The following PTER variants were observed in gnomAD, a reference collection of about 807,000 sequenced individuals.
The protein encoded by PTER is N-acetyltaurine hydrolase.
A neutral mutation model predicts 29.6 loss-of-function variants in PTER; 38 were observed. That is an observed-to-expected ratio of 1.28 (90% CI 0.99 to 1.68). The LOEUF (loss-of-function observed/expected upper bound fraction) is 1.68, where lower values mean the gene tolerates loss of function less well. Ranked by LOEUF, PTER falls within the 40% of genes most tolerant of loss-of-function variation. The pLI, the probability that PTER is intolerant of heterozygous loss-of-function variation, is 0.00. For synonymous variants in PTER, 172 were observed against 154.5 expected (o/e 1.11, Z -0.84); for missense variants, 482 against 427.8 (o/e 1.13, Z -1.12).
At chr10:16,481,164 T>TA (rs1039894608) in intron 1 of PTER, among the ~76,000 whole-genome samples, 9 of 152,368 alleles carry the variant, frequency 5.9e-5, no homozygotes, top group South Asian at 4.1e-4. Flanking sequence ...CATGTGTTTG[T>TA]AGCTCTGGCT....
intron 1 of PTER, among the ~76,000 whole-genome samples, chr10:16,441,679 A>T (rs1460822428): frequency 4.6e-5 from 7 of 152,220 alleles, no homozygotes; most frequent in Non-Finnish European, 8.8e-5. Flanking sequence ...CTTGGACGTG[A>T]CTGGCCCAAG....
rs181399869 is a variant in PTER at position 16,493,072 on chromosome 10, G to A, written c.698+6455G>A. ...CATGTCTAATTACCATATACCAGAC[G>A]TTGGGCTGTAGCCTGAAGAACAACC... On this transcript the variant is annotated intron_variant, in intron 3 of 4. Transcript: ENST00000535784. Among the ~76,000 whole-genome samples the A allele has an allele frequency of 2.8e-3, 427 of 152,240 alleles. 2 individuals are homozygous for A. The highest frequency in any genetic ancestry group is 9.6e-3 in the African/African-American group (398 of 41,534).
At chr10:16,453,094 G>A (rs895087723) in intron 1 of PTER, among the ~76,000 whole-genome samples, 3 of 151,914 alleles carry the variant, frequency 2.0e-5, no homozygotes, top group Non-Finnish European at 2.9e-5. Context: ...GTCTCAATAT[G>A]TTGTCCAGGT....
intron 1 of PTER, among the ~76,000 whole-genome samples, chr10:16,442,122 AT>A (rs1228512873): frequency 6.6e-6 from 1 of 152,196 alleles, no homozygotes; most frequent in Non-Finnish European, 1.5e-5. Context: ...GTGCTCTTTT[AT>A]GTAACTGAAA....
At chr10:16,503,228 A>G (rs1032740313) in intron 3 of PTER, among the ~76,000 whole-genome samples, 2 of 148,588 alleles carry the variant, frequency 1.3e-5, no homozygotes, top group Admixed American at 1.3e-4. Flanking sequence ...GCCACATATT[A>G]GTGCTTTTTG....
At position 16,512,839 on chromosome 10, in the gene PTER, A is replaced by G. The variant is rs1010636015; in HGVS notation, c.*1583A>G. The G allele has an allele frequency of 5.9e-5, 9 of 152,558 alleles. No individual in the cohort carries two copies. Among genetic ancestry groups the G allele is most frequent in the African/African-American group, 2.2e-4 (9 of 41,448 alleles). 9.5% of individuals were successfully genotyped at this position (152,558 alleles called of 1,614,324 possible). ...GCAATGAAAGGGGAACAGATTTTTC[A>G]TTGTAATAGTGGAAGTTGTGTGATA... On this transcript the variant is annotated 3_prime_UTR_variant, in exon 5 of 5. Coordinates refer to ENST00000535784, the MANE Select transcript of PTER (RefSeq NM_001261836.2).
chr10:16,514,704 G>A (rs761091339), downstream of PTER: 5 of 1,607,798 alleles, frequency 3.1e-6, no homozygotes, highest in African/African-American at 1.3e-5. Flanking sequence ...GCACTAGCAC[G>A]CACCTATGTG....
At chr10:16,447,467 C>G (rs925410660) in intron 1 of PTER, among the ~76,000 whole-genome samples, 9 of 152,026 alleles carry the variant, frequency 5.9e-5, no homozygotes, top group African/African-American at 2.2e-4. Context: ...TTTTGTTAAC[C>G]TGTTTTCACT....
Position 16,470,310 on chromosome 10 carries a change from C to T in PTER, c.-48-14027C>T, listed in dbSNP as rs151314216. 1.8e-3 allele frequency among the ~76,000 whole-genome samples: 279 copies of T among 152,340 alleles called. 1 individual carries two copies. The highest frequency in any genetic ancestry group is 6.5e-3 in the African/African-American group (270 of 41,574). On this transcript the variant is annotated intron_variant, in intron 1 of 4. Transcript: ENST00000535784. ...TGAACAAAAGGCATTATTGTTGGTT[C>T]CCAGCCTCCAAGTGAGGCCACAGGA...
At position 16,511,318 on chromosome 10, in the gene PTER, C is replaced by T; in HGVS notation, c.*62C>T. 1.4e-6 allele frequency: 2 copies of T among 1,409,562 alleles called. No individual in the cohort carries two copies. Among genetic ancestry groups the T allele is most frequent in the South Asian group, 1.2e-5 (1 of 86,414 alleles). The allele number at this position is 1,409,562 out of a possible 1,614,324, so 87.3% of individuals were successfully genotyped here. On this transcript the variant is annotated 3_prime_UTR_variant, in exon 5 of 5. Transcript: ENST00000535784. ...CTTGCAGAGAACATTCAGCGATTTC[C>T]AGTCCACTGTGAGATATTAATCAGT...
chr10:16,474,696 G>T (rs1835192296), intron 1 of PTER, among the ~76,000 whole-genome samples: 3 of 152,026 alleles, frequency 2.0e-5, no homozygotes, highest in African/African-American at 7.2e-5. Flanking sequence ...GACCAGCCTG[G>T]CCAGCATGGT....
intron 1 of PTER, among the ~76,000 whole-genome samples, chr10:16,465,680 T>G (rs1252149662): frequency 6.6e-6 from 1 of 152,190 alleles, no homozygotes; most frequent in Non-Finnish European, 1.5e-5. Flanking sequence ...ATCATCTGCC[T>G]CTGTGCAATT....
chr10:16,471,056 T>C (rs77057409), intron 1 of PTER, among the ~76,000 whole-genome samples: 3,646 of 152,316 alleles, frequency 0.024, 147 homozygotes, highest in African/African-American at 0.083. Context: ...GAGCTTTTTC[T>C]AGAATTGTCA....
chr10:16,504,938 A>C (rs1564410355), intron 3 of PTER, 82 bp from the exon 4 acceptor site: 1 of 1,491,086 alleles, frequency 6.7e-7, no homozygotes, highest in Non-Finnish European at 9.2e-7. Context: ...GTTCTTGTAC[A>C]TTGTGTGCTT....
At chr10:16,518,096 C>T (rs1355932062), downstream of PTER, among the ~76,000 whole-genome samples, 1 of 152,144 alleles carries the variant, frequency 6.6e-6, no homozygotes, top group Non-Finnish European at 1.5e-5. Flanking sequence ...AAAATTAAGT[C>T]AGCTCAGAGA....
At chr10:16,482,475 C>T (rs1432288576) in intron 1 of PTER, among the ~76,000 whole-genome samples, 1 of 152,326 alleles carries the variant, frequency 6.6e-6, no homozygotes, top group East Asian at 1.9e-4. Flanking sequence ...AATGCATCTA[C>T]AGGTATTTTT....
At chr10:16,486,841 A>AT (rs1835721001) in intron 3 of PTER, 2 of 504,346 alleles carry the variant, frequency 4.0e-6, no homozygotes, top group Admixed American at 3.7e-5. Context: ...GGTATTTCAC[A>AT]TAAGATATTT....
At chr10:16,465,182 C>G (rs1039675246) in intron 1 of PTER, among the ~76,000 whole-genome samples, 1 of 152,154 alleles carries the variant, frequency 6.6e-6, no homozygotes, top group Non-Finnish European at 1.5e-5. Context: ...TTACTGCACT[C>G]TGCTTTGTAT....
At chr10:16,450,684 C>G (rs1834174318) in intron 1 of PTER, among the ~76,000 whole-genome samples, 1 of 152,096 alleles carries the variant, frequency 6.6e-6, no homozygotes, top group Non-Finnish European at 1.5e-5. Flanking sequence ...TCAGGGCAAT[C>G]TTAGAAGAGG....
Sources: gnomAD v4.1 joint callset for allele counts (sites outside exome capture counted in the v4.1 genomes callset) on GRCh38, gnomAD v4.1.1 for gene constraint, MANE v1.5 for transcripts, NCBI Gene and HGNC (gene_info 2026-07-23, HGNC 2026-07-21) for gene names.